The following PPP2R2B variants were observed in gnomAD, a reference collection of about 807,000 sequenced individuals.
PPP2R2B encodes the protein protein phosphatase 2 regulatory subunit Bbeta, also known as serine/threonine-protein phosphatase 2A 55 kDa regulatory subunit B beta isoform.
A neutral mutation model predicts 46.0 loss-of-function variants in PPP2R2B; 5 were observed. The observed-to-expected ratio is 0.11, with a 90% CI of 0.06 to 0.23. The LOEUF (loss-of-function observed/expected upper bound fraction) is 0.23. Ranked by LOEUF, PPP2R2B falls within the 10% of genes least tolerant of loss-of-function variation. The pLI is 1.00. For synonymous variants in PPP2R2B, 215 were observed against 206.7 expected (o/e 1.04, Z -0.34); for missense variants, 367 against 575.0 (o/e 0.64, Z 3.70).
intron 2 of PPP2R2B, among the ~76,000 whole-genome samples, chr5:146,779,140 G>C (rs1755358062): frequency 6.6e-6 from 1 of 152,166 alleles, no homozygotes. Context: ...GATTTTCCTA[G>C]TCAAGTCTGC....
At chr5:146,844,432 T>C (rs1344466503) in intron 2 of PPP2R2B, among the ~76,000 whole-genome samples, 2 of 152,022 alleles carry the variant, frequency 1.3e-5, no homozygotes, top group African/African-American at 4.8e-5. Context: ...TCTTCTCTCC[T>C]AGCTTCCTTG....
intron 2 of PPP2R2B, among the ~76,000 whole-genome samples, chr5:146,799,192 T>C (rs532467063): frequency 1.1e-4 from 17 of 152,230 alleles, no homozygotes; most frequent in South Asian, 2.1e-4. Flanking sequence ...TCTTGTTTTC[T>C]AGCGATGAAC....
chr5:146,752,844 A>G (rs1469337860), intron 2 of PPP2R2B, among the ~76,000 whole-genome samples: 2 of 152,174 alleles, frequency 1.3e-5, no homozygotes, highest in Non-Finnish European at 2.9e-5. Context: ...TCACCAACAG[A>G]CTTTCACTGT....
chr5:146,870,318 AATTAAG>A (rs1327106038), intron 2 of PPP2R2B, among the ~76,000 whole-genome samples: 2 of 152,186 alleles, frequency 1.3e-5, no homozygotes, highest in Non-Finnish European at 2.9e-5. Context: ...TTAAGGAGAT[AATTAAG>A]ATTAAATGAG....
At chr5:146,903,188 G>A (rs1762890215) in intron 1 of PPP2R2B, among the ~76,000 whole-genome samples, 2 of 152,236 alleles carry the variant, frequency 1.3e-5, no homozygotes, top group African/African-American at 4.8e-5. Flanking sequence ...ATGTTAATAT[G>A]TAATGAGTTT....
At chr5:146,652,475 A>G (rs1372151719) in intron 5 of PPP2R2B, among the ~76,000 whole-genome samples, 1 of 152,094 alleles carries the variant, frequency 6.6e-6, no homozygotes, top group East Asian at 1.9e-4. Flanking sequence ...TAAAAGGGCT[A>G]GGTGCGCAAA....
intron 1 of PPP2R2B, among the ~76,000 whole-genome samples, chr5:146,981,788 C>T (rs1753190563): frequency 6.6e-6 from 1 of 152,092 alleles, no homozygotes; most frequent in African/African-American, 2.4e-5. Context: ...ATCTGTTCTC[C>T]AATCCTATAA....
intron 1 of PPP2R2B, among the ~76,000 whole-genome samples, chr5:146,961,040 C>T (rs995589484): frequency 1.6e-4 from 24 of 152,190 alleles, no homozygotes; most frequent in South Asian, 2.1e-4. Flanking sequence ...CTTATGAAAA[C>T]AATATTATTG....
chr5:146,953,233 C>A (rs1751706004), intron 1 of PPP2R2B, among the ~76,000 whole-genome samples: 1 of 152,210 alleles, frequency 6.6e-6, no homozygotes, highest in Admixed American at 6.6e-5. Flanking sequence ...TTACTCTCCT[C>A]ATTTGCTCGA....
intron 1 of PPP2R2B, among the ~76,000 whole-genome samples, chr5:146,887,411 A>C (rs1016041407): frequency 2.0e-5 from 3 of 152,184 alleles, no homozygotes; most frequent in Non-Finnish European, 4.4e-5. Flanking sequence ...GTAATGCTAA[A>C]ACCAAACCAA....
chr5:146,806,994 C>T (rs954257639), intron 2 of PPP2R2B, among the ~76,000 whole-genome samples: 2 of 152,178 alleles, frequency 1.3e-5, no homozygotes, highest in Non-Finnish European at 2.9e-5. Context: ...GGGTATTGGT[C>T]TTATGACCTA....
At chr5:146,771,950 A>G (rs1164477808) in intron 2 of PPP2R2B, among the ~76,000 whole-genome samples, 1 of 152,170 alleles carries the variant, frequency 6.6e-6, no homozygotes, top group Non-Finnish European at 1.5e-5. Flanking sequence ...AGAGATACAA[A>G]TTCTATTTCA....
rs1164142509 is a variant in PPP2R2B at position 146,840,977 on chromosome 5, T to C, written c.70+37025A>G. Among the ~76,000 whole-genome samples the C allele has an allele frequency of 2.0e-5, 3 of 152,166 alleles. No individual in the cohort carries two copies. The East Asian group carries it at 5.8e-4, about 29-fold the overall frequency. ...AAACAAGACAAATATGTATTAAACA[T>C]TAGTGGCCAATATGCTGTATTACAA... On this transcript the variant is annotated intron_variant, in intron 2 of 9. Transcript: ENST00000394411.
chr5:147,056,315 C>T (rs1290420520), upstream of PPP2R2B, among the ~76,000 whole-genome samples: 1 of 152,130 alleles, frequency 6.6e-6, no homozygotes, highest in Non-Finnish European at 1.5e-5. Flanking sequence ...CTTGCTTAAT[C>T]TAGATTTAGT....
At chr5:146,659,343 C>G (rs1338911626) in intron 5 of PPP2R2B, among the ~76,000 whole-genome samples, 4 of 152,190 alleles carry the variant, frequency 2.6e-5, no homozygotes, top group African/African-American at 9.7e-5. Flanking sequence ...AAGTACATAG[C>G]TATTCAAAAT....
intron 2 of PPP2R2B, among the ~76,000 whole-genome samples, chr5:146,843,848 C>G (rs1183654301): frequency 6.6e-6 from 1 of 151,868 alleles, no homozygotes; most frequent in Non-Finnish European, 1.5e-5. Flanking sequence ...TCCAGTCTAT[C>G]ATTGTTGGAC....
intron 1 of PPP2R2B, among the ~76,000 whole-genome samples, chr5:146,910,697 C>A (rs1218874601): frequency 6.6e-6 from 1 of 152,154 alleles, no homozygotes; most frequent in Non-Finnish European, 1.5e-5. Flanking sequence ...GTTAATAATA[C>A]ATTACATTGT....
At position 146,796,154 on chromosome 5, in the gene PPP2R2B, A is replaced by G. The variant is rs574440030; in HGVS notation, c.70+81848T>C. On this transcript the variant is annotated intron_variant, in intron 2 of 9. Transcript: ENST00000394411. ...ATAAAAATGTCATTGCAATGATATG[A>G]CATCTGAGGAGGATTTTAAAATGCA... Among the ~76,000 whole-genome samples the G allele has an allele frequency of 2.0e-5, 3 of 152,320 alleles. No individual in the cohort carries two copies. The South Asian group carries it at 6.2e-4, about 32-fold the overall frequency.
chr5:146,817,079 G>A (rs1757973116), intron 2 of PPP2R2B, among the ~76,000 whole-genome samples: 1 of 152,142 alleles, frequency 6.6e-6, no homozygotes, highest in Non-Finnish European at 1.5e-5. Context: ...TATGCAGGCA[G>A]GTGGCTTTGT....
Sources: allele counts gnomAD v4.1 joint callset (sites outside exome capture counted in the v4.1 genomes callset), GRCh38; gene constraint gnomAD v4.1.1; transcripts MANE v1.5; gene names NCBI Gene and HGNC (gene_info 2026-07-23, HGNC 2026-07-21).